The following ZMAT4 variants were observed in gnomAD, a reference collection of about 807,000 sequenced individuals.
ZMAT4 encodes zinc finger matrin-type 4.
ZMAT4 carries 17 observed loss-of-function variants against 28.7 expected under a neutral mutation model. The observed-to-expected ratio is 0.59, with a 90% CI of 0.41 to 0.89. The LOEUF (loss-of-function observed/expected upper bound fraction) is 0.89. ZMAT4 is among the 40% of genes least tolerant of loss of function. ZMAT4 has a pLI of 0.00. For synonymous variants in ZMAT4, 117 were observed against 109.2 expected, an observed-to-expected ratio of 1.07 and a Z score of -0.44; for missense variants, 240 against 283.8, an observed-to-expected ratio of 0.85 and a Z score of 1.11.
At chr8:40,828,161 T>G (rs1816145781) in intron 1 of ZMAT4, among the ~76,000 whole-genome samples, 1 of 152,236 alleles carries the variant, frequency 6.6e-6, no homozygotes, top group African/African-American at 2.4e-5. Context: ...TGTAATGGTC[T>G]CCATTCATGT....
At chr8:40,568,682 A>G (rs1804000019) in intron 6 of ZMAT4, among the ~76,000 whole-genome samples, 1 of 152,124 alleles carries the variant, frequency 6.6e-6, no homozygotes, top group Non-Finnish European at 1.5e-5. Context: ...GGTACTTTTT[A>G]TAACTATTAC....
At chr8:40,720,515 G>C (rs951827102) in intron 3 of ZMAT4, among the ~76,000 whole-genome samples, 3 of 151,088 alleles carry the variant, frequency 2.0e-5, no homozygotes, top group African/African-American at 7.3e-5. Flanking sequence ...AGCATGCCTG[G>C]GTAGAATCTT....
intron 4 of ZMAT4, among the ~76,000 whole-genome samples, chr8:40,686,507 G>A (rs1014219290): frequency 6.6e-5 from 10 of 151,948 alleles, no homozygotes; most frequent in Admixed American, 4.6e-4. Flanking sequence ...AGTGATGCAC[G>A]TCTGTAGTCC....
At chr8:40,837,508 G>A (rs1433248591) in intron 1 of ZMAT4, among the ~76,000 whole-genome samples, 1 of 152,144 alleles carries the variant, frequency 6.6e-6, no homozygotes, top group Non-Finnish European at 1.5e-5. Context: ...GCATGGCTGG[G>A]GAAAAAGAAT....
At chr8:40,694,659 C>T (rs1419354205) in intron 4 of ZMAT4, among the ~76,000 whole-genome samples, 1 of 152,146 alleles carries the variant, frequency 6.6e-6, no homozygotes, top group Non-Finnish European at 1.5e-5. Flanking sequence ...AACAATATCT[C>T]AAAATGAAGA....
intron 3 of ZMAT4, among the ~76,000 whole-genome samples, chr8:40,763,418 T>C (rs1433928947): frequency 1.3e-5 from 2 of 152,228 alleles, no homozygotes; most frequent in East Asian, 3.8e-4. Context: ...TGACAACTCC[T>C]GCCTTCTCCA....
At chr8:40,685,492 C>A (rs4344058) in intron 4 of ZMAT4, among the ~76,000 whole-genome samples, 1 of 151,972 alleles carries the variant, frequency 6.6e-6, no homozygotes, top group Non-Finnish European at 1.5e-5. Context: ...TGCTGTGTCA[C>A]CCACAATTAT....
At chr8:40,883,387 T>C (rs1389719542) in intron 1 of ZMAT4, among the ~76,000 whole-genome samples, 1 of 152,172 alleles carries the variant, frequency 6.6e-6, no homozygotes, top group Non-Finnish European at 1.5e-5. Flanking sequence ...CACACCAGCA[T>C]TTCCCTCTTC....
At position 40,674,608 on chromosome 8, in the gene ZMAT4, A is replaced by G. The variant is rs1219591247; in HGVS notation, c.577+96T>C. 33 of 1,025,666 alleles carry G rather than the reference A, an allele frequency of 3.2e-5. No homozygotes were observed. In the Admixed American group the frequency reaches 7.0e-4, roughly 22 times the overall value. The allele number at this position is 1,025,666 out of a possible 1,614,324, so 63.5% of individuals were successfully genotyped here. A position where few individuals can be genotyped will look rare whatever the true frequency, so the allele number is the denominator to read the frequency against. On this transcript the variant is annotated intron_variant, in intron 5 of 6. Coordinates refer to ENST00000297737, the MANE Select transcript of ZMAT4 (RefSeq NM_024645.3). Reference sequence around the variant, plus strand: ...GGTGAGCCTCACTTTTTCCTTAATAATTAAAGCAAGAAGAAGAATCATTCC... The same window carrying G: ...GGTGAGCCTCACTTTTTCCTTAATAGTTAAAGCAAGAAGAAGAATCATTCC...
chr8:40,807,523 C>T, intron 2 of ZMAT4, among the ~76,000 whole-genome samples: 1 of 152,124 alleles, frequency 6.6e-6, no homozygotes, highest in Non-Finnish European at 1.5e-5. Flanking sequence ...GTTCCAAGTC[C>T]TCAAAGATGA....
chr8:40,674,917 G>A lies in ZMAT4; in HGVS notation c.364C>T (p.Pro122Ser). 1.9e-6 allele frequency: 3 copies of A among 1,612,580 alleles called. No homozygotes were observed. The highest frequency in any genetic ancestry group is 2.5e-6 in the Non-Finnish European group (3 of 1,179,586). Residue 122 changes from proline (P) to serine (S), a missense_variant, in exon 5 of 7, where the codon CCA becomes TCA. Pro to Ser is a moderately conservative substitution (Grantham distance 74, BLOSUM62 -1). Coordinates refer to ENST00000297737, the MANE Select transcript of ZMAT4 (RefSeq NM_024645.3). Reference protein sequence around the residue: ...PLKTTATPLSPLKPPRMDTAP... With the variant: ...PLKTTATPLSSLKPPRMDTAP... ...GTGTCCATCCGTGGGGGCTTAAGTG[G>A]GCTCAGGGGTGTTGCTGTGAAAGGA...
intron 5 of ZMAT4, among the ~76,000 whole-genome samples, chr8:40,608,637 G>C (rs535755756): frequency 4.9e-4 from 75 of 152,266 alleles, no homozygotes; most frequent in African/African-American, 1.8e-3. Context: ...ACAGAGTTCG[G>C]CTGGAAGTTT....
rs190619624 is a variant in ZMAT4 at position 40,846,948 on chromosome 8, T to C, written c.-4-21268A>G. Among the ~76,000 whole-genome samples the C allele has an allele frequency of 2.1e-3, 318 of 152,326 alleles. 3 individuals are homozygous for C. Among genetic ancestry groups the C allele is most frequent in the Non-Finnish European group, 4.1e-3 (282 of 68,026 alleles). ...AATGCCAGGCACAGTGGCTCATGCCTGTAATCCTAGCACTTTGGGAGGCCA... is the reference window on the plus strand; with the variant it reads ...AATGCCAGGCACAGTGGCTCATGCCCGTAATCCTAGCACTTTGGGAGGCCA... On this transcript the variant is annotated intron_variant, in intron 1 of 6. Coordinates refer to ENST00000297737, the MANE Select transcript of ZMAT4 (RefSeq NM_024645.3).
At chr8:40,820,649 ATG>A (rs1266781943) in intron 2 of ZMAT4, among the ~76,000 whole-genome samples, 2 of 98,598 alleles carry the variant, frequency 2.0e-5, no homozygotes, top group Admixed American at 9.9e-5. Context: ...TGTCTCGGGC[ATG>A]TGTGTGTTTA....
At chr8:40,704,099 C>T (rs111757360) in intron 3 of ZMAT4, among the ~76,000 whole-genome samples, 65 of 152,198 alleles carry the variant, frequency 4.3e-4, no homozygotes, top group Non-Finnish European at 8.5e-4. Context: ...TTCTGCTAGA[C>T]GCAGAAATAA....
At chr8:40,651,258 T>C (rs949892980) in intron 5 of ZMAT4, among the ~76,000 whole-genome samples, 3 of 152,020 alleles carry the variant, frequency 2.0e-5, no homozygotes, top group African/African-American at 7.2e-5. Flanking sequence ...TGTACAAAAA[T>C]CACAAGCATT....
At chr8:40,751,430 T>C (rs900253599) in intron 3 of ZMAT4, among the ~76,000 whole-genome samples, 3 of 151,704 alleles carry the variant, frequency 2.0e-5, no homozygotes, top group African/African-American at 4.8e-5. Flanking sequence ...TCAGATATCA[T>C]AAGAACTCAC....
intron 2 of ZMAT4, among the ~76,000 whole-genome samples, chr8:40,781,776 AAAAAAAAAAAAAAAAG>A: frequency 6.7e-6 from 1 of 148,324 alleles, no homozygotes; most frequent in East Asian, 1.9e-4. Context: ...AAAAAAAAAA[AAAAAAAAAAAAAAAAG>A]AAAAGAATCC....
At chr8:40,894,377 G>T (rs13253335) in intron 1 of ZMAT4, among the ~76,000 whole-genome samples, 4,721 of 152,180 alleles carry the variant, frequency 0.031, 113 homozygotes, top group South Asian at 0.076. Context: ...TTTCAGGAGT[G>T]AGGTGCACAA....
Sources: allele counts gnomAD v4.1 joint callset (sites outside exome capture counted in the v4.1 genomes callset), GRCh38; gene constraint gnomAD v4.1.1; transcripts MANE v1.5; gene names NCBI Gene and HGNC (gene_info 2026-07-23, HGNC 2026-07-21).